Variants in SIPA1L3 observed in about 807,000 individuals in gnomAD.
SIPA1L3 encodes signal induced proliferation associated 1 like 3.
In SIPA1L3, 59 loss-of-function variants were observed where a neutral mutation model predicts 150.1. The ratio of observed to expected loss-of-function variants is 0.39; its 90% CI spans 0.32 to 0.49. The LOEUF is 0.49. Ranked by LOEUF, SIPA1L3 falls within the 20% of genes least tolerant of loss-of-function variation. SIPA1L3 has a pLI of 0.86. For synonymous variants in SIPA1L3, 1,070 were observed against 1,077.6 expected (o/e 0.99, Z 0.14); for missense variants, 2,211 against 2,489.5 (o/e 0.89, Z 2.38).
intron 8 of SIPA1L3, among the ~76,000 whole-genome samples, chr19:38,115,031 A>ATT (rs1970852723): frequency 6.6e-6 from 1 of 152,200 alleles, no homozygotes; most frequent in South Asian, 2.1e-4. Context: ...AACCAAAGGG[A>ATT]GTTGATGCCA....
At chr19:37,972,867 TC>T (rs1467693568) in intron 1 of SIPA1L3, among the ~76,000 whole-genome samples, 2 of 151,966 alleles carry the variant, frequency 1.3e-5, no homozygotes, top group South Asian at 2.1e-4. Context: ...TCTGCCCCCT[TC>T]CCCCCAAATT....
chr19:38,133,013 C>G (rs1971348939), intron 10 of SIPA1L3, among the ~76,000 whole-genome samples: 1 of 152,208 alleles, frequency 6.6e-6, no homozygotes, highest in South Asian at 2.1e-4. Flanking sequence ...CCCTTCCTGG[C>G]TTTAGCTGGC....
intron 1 of SIPA1L3, among the ~76,000 whole-genome samples, chr19:38,013,998 C>G (rs1330882448): frequency 6.6e-6 from 1 of 152,260 alleles, no homozygotes; most frequent in Admixed American, 6.5e-5. Flanking sequence ...TTGTTGGGGA[C>G]AGTGGGTATC....
At chr19:38,140,064 G>A (rs1326403445) in intron 10 of SIPA1L3, among the ~76,000 whole-genome samples, 2 of 152,198 alleles carry the variant, frequency 1.3e-5, no homozygotes, top group Non-Finnish European at 2.9e-5. Context: ...AGCAGCCTCT[G>A]AACCACCATA....
chr19:37,927,140 T>G (rs1175752954), intron 1 of SIPA1L3, among the ~76,000 whole-genome samples: 1 of 96,680 alleles, frequency 1.0e-5, no homozygotes, highest in Non-Finnish European at 1.9e-5. Context: ...GTAGATTTTC[T>G]TTTCCTTTTT....
At chr19:38,126,061 C>G (rs550877325) in intron 9 of SIPA1L3, among the ~76,000 whole-genome samples, 1 of 152,212 alleles carries the variant, frequency 6.6e-6, no homozygotes, top group East Asian at 1.9e-4. Context: ...GTAGTCCCAG[C>G]TACTCAGGAG....
intron 1 of SIPA1L3, among the ~76,000 whole-genome samples, chr19:37,985,359 A>G (rs980947617): frequency 6.6e-6 from 1 of 152,010 alleles, no homozygotes; most frequent in African/African-American, 2.4e-5. Flanking sequence ...TGCCCAGCCA[A>G]TTTTACGAAG....
intron 4 of SIPA1L3, among the ~76,000 whole-genome samples, chr19:38,095,750 C>T (rs1464399460): frequency 6.6e-6 from 1 of 152,138 alleles, no homozygotes; most frequent in East Asian, 1.9e-4. Flanking sequence ...CAGTGTCCCA[C>T]TTACTGTCGC....
chr19:38,019,681 C>T (rs1265307181), intron 1 of SIPA1L3, among the ~76,000 whole-genome samples: 1 of 152,148 alleles, frequency 6.6e-6, no homozygotes, highest in East Asian at 1.9e-4. Context: ...CTTAAGTGAC[C>T]AGAATCAGAG....
chr19:38,152,376 G>C (rs1047838572), intron 12 of SIPA1L3, among the ~76,000 whole-genome samples: 1 of 152,208 alleles, frequency 6.6e-6, no homozygotes, highest in Non-Finnish European at 1.5e-5. Context: ...GCCATGGTGA[G>C]CTTTGAAGCC....
At chr19:38,039,407 G>A (rs548079032) in intron 2 of SIPA1L3, among the ~76,000 whole-genome samples, 2 of 148,726 alleles carry the variant, frequency 1.3e-5, no homozygotes, top group South Asian at 4.3e-4. Context: ...GGTGGTGGGG[G>A]TGGGGGTCGG....
intron 8 of SIPA1L3, among the ~76,000 whole-genome samples, chr19:38,116,538 A>AAG (rs1970885290): frequency 1.4e-5 from 2 of 142,078 alleles, no homozygotes. Flanking sequence ...AAAAAAAAAA[A>AAG]AAAGAAAGAA....
rs760360623 is a variant in SIPA1L3, at chr19:38,192,279, A to G, written c.4565A>G (p.Asn1522Ser). The change falls in exon 17 of 22, where the codon AAC becomes AGC. Residue 1522 changes from asparagine (N) to serine (S), a missense_variant. By Grantham distance (46) the Asn-to-Ser change is conservative. This residue lies in a region of SIPA1L3 where 806 missense variants were observed against 870.1 expected (regional missense o/e 0.93). Coordinates refer to ENST00000222345, the MANE Select transcript of SIPA1L3 (RefSeq NM_015073.3). ...DDLKKLIIMD[N>S]LGPEQERDTG... The stretch of plus-strand genomic sequence containing the variant: ...CTGAAGAAACTCATCATCATGGACA[A>G]CCTGGGGCCAGAGCAGGAGAGAGAC... 2 of 1,612,252 alleles carry G rather than the reference A, an allele frequency of 1.2e-6. No homozygotes were observed. The highest frequency in any genetic ancestry group is 8.5e-7 in the Non-Finnish European group (1 of 1,179,206).
rs550775839 is a variant in SIPA1L3 at position 38,208,264 on chromosome 19, T to C, written c.*2024T>C. The C allele has an allele frequency of 6.7e-6, 1 of 150,138 alleles. No homozygotes were observed. The highest frequency in any genetic ancestry group is 1.9e-4 in the East Asian group (1 of 5,146). The allele number at this position is 150,138 out of a possible 1,614,324, so 9.3% of individuals were successfully genotyped here. A position where few individuals can be genotyped will look rare whatever the true frequency, so the allele number is the denominator to read the frequency against. Reference sequence around the variant, plus strand: ...CATATGTTGATTTGTTTCATTTGGATTTTTTTTTTATTATTCTTTATTGTC... The same window carrying C: ...CATATGTTGATTTGTTTCATTTGGACTTTTTTTTTATTATTCTTTATTGTC... On this transcript the variant is annotated 3_prime_UTR_variant, in exon 22 of 22. Coordinates refer to ENST00000222345, the MANE Select transcript of SIPA1L3 (RefSeq NM_015073.3).
Position 38,081,938 on chromosome 19 carries a change from C to A in SIPA1L3, c.373C>A (p.Pro125Thr). ...HSMRSIQNGQ[P>T]PTSTPASSGS... ...CATGAGGAGCATACAGAACGGACAG[C>A]CCCCCACCAGCACCCCGGCTTCCTC... Residue 125 changes from proline (P) to threonine (T), a missense_variant, in exon 3 of 22, where the codon CCC becomes ACC. Transcript: ENST00000222345. 6.2e-7 allele frequency: 1 copy of A among 1,614,128 alleles called. No homozygotes were observed. Among genetic ancestry groups the A allele is most frequent in the Non-Finnish European group, 8.5e-7 (1 of 1,179,954 alleles).
At chr19:38,030,030 T>A (rs1968609709) in intron 2 of SIPA1L3, among the ~76,000 whole-genome samples, 1 of 152,080 alleles carries the variant, frequency 6.6e-6, no homozygotes, top group East Asian at 1.9e-4. Flanking sequence ...GATTTTTGTA[T>A]TTTTGTAGAG....
rs75461655 is a variant in SIPA1L3 at position 37,963,092 on chromosome 19, C to T, written c.-379+55734C>T. 7.1e-3 allele frequency among the ~76,000 whole-genome samples: 1,080 copies of T among 152,300 alleles called. 35 individuals are homozygous for T. Among genetic ancestry groups the T allele is most frequent in the East Asian group, 0.065 (339 of 5,186 alleles). On this transcript the variant is annotated intron_variant, in intron 1 of 21. Transcript: ENST00000222345. ...CACCTTGAGCCAATAAAGCTTCCAT[C>T]CTTTGCCAATGGATCTGTGTCTGTG...
At chr19:37,992,480 G>A (rs183890089) in intron 1 of SIPA1L3, among the ~76,000 whole-genome samples, 122 of 151,874 alleles carry the variant, frequency 8.0e-4, no homozygotes, top group Non-Finnish European at 1.6e-3. Flanking sequence ...GCGAGACCCC[G>A]TCTCTATTAA....
intron 1 of SIPA1L3, among the ~76,000 whole-genome samples, chr19:37,995,934 G>A (rs1194434845): frequency 6.6e-6 from 1 of 152,124 alleles, no homozygotes; most frequent in Non-Finnish European, 1.5e-5. Flanking sequence ...GTTTTGTTCC[G>A]AGACAGGGTC....
Sources: allele counts gnomAD v4.1 joint callset (sites outside exome capture counted in the v4.1 genomes callset), GRCh38; gene constraint gnomAD v4.1.1; regional missense constraint gnomAD v4.1.1; transcripts MANE v1.5; gene names NCBI Gene and HGNC (gene_info 2026-07-23, HGNC 2026-07-21).